CISD2: variants seen among roughly 807,000 people sequenced by gnomAD.
CISD2 encodes CDGSH iron-sulfur domain-containing protein 2.
A neutral mutation model predicts 12.9 loss-of-function variants in CISD2; 1 was observed. The ratio of observed to expected loss-of-function variants is 0.08; its 90% CI spans 0.03 to 0.37. The LOEUF is 0.37. Among genes scored for constraint, CISD2 ranks in the 10% least tolerant of loss-of-function variants. CISD2 has a pLI of 0.99. For synonymous variants in CISD2, 50 were observed against 60.6 expected (o/e 0.83, Z 0.81); for missense variants, 97 against 163.1 (o/e 0.59, Z 2.21).
chr4:102,885,941 A>T (rs1422711946), intron 2 of CISD2, among the ~76,000 whole-genome samples: 23 of 152,204 alleles, frequency 1.5e-4, no homozygotes, highest in Admixed American at 1.5e-3. Flanking sequence ...ATGATTTTTA[A>T]TGTGGGAAGG....
In CISD2 at chr4:102,885,448, G is replaced by A. The variant is rs754165955; in HGVS notation, c.318+18G>A. 4.4e-6 allele frequency: 7 copies of A among 1,601,896 alleles called. No homozygotes were observed. Among genetic ancestry groups the A allele is most frequent in the African/African-American group, 2.7e-5 (2 of 74,768 alleles). ...CTAAAACGGTAAGATGTCTGTTTAC[G>A]TGTACACTAAAATTTTGCAGTGCTA... On this transcript the variant is annotated intron_variant, in intron 2 of 2. Coordinates refer to ENST00000273986, the MANE Select transcript of CISD2 (RefSeq NM_001008388.5).
Position 102,889,642 on chromosome 4 carries a change from G to C in CISD2, c.*2212G>C, listed in dbSNP as rs1417911369. The stretch of plus-strand genomic sequence containing the variant: ...CTCTCAGAATAAAGACTTTTTCCCT[G>C]CCACATTTTCAGTTGTTAAAATATG... On this transcript the variant is annotated 3_prime_UTR_variant, in exon 3 of 3. Transcript: ENST00000273986. 3 of 152,092 alleles carry C rather than the reference G, an allele frequency of 2.0e-5. No individual in the cohort carries two copies. The highest frequency in any genetic ancestry group is 7.2e-5 in the African/African-American group (3 of 41,414). The allele number at this position is 152,092 out of a possible 1,614,324, so 9.4% of individuals were successfully genotyped here.
At chr4:102,870,898 C>G (rs1435126518) in intron 1 of CISD2, among the ~76,000 whole-genome samples, 5 of 152,156 alleles carry the variant, frequency 3.3e-5, no homozygotes. Flanking sequence ...TTTTAAAATT[C>G]ATTATGTAAT....
At chr4:102,886,978 T>TA (rs1379014957) in intron 2 of CISD2, among the ~76,000 whole-genome samples, 1 of 152,242 alleles carries the variant, frequency 6.6e-6, no homozygotes, top group Non-Finnish European at 1.5e-5. Context: ...GAAAAAATTA[T>TA]AATTTATTTT....
At chr4:102,871,875 G>GT (rs1356118913) in intron 1 of CISD2, among the ~76,000 whole-genome samples, 3 of 152,174 alleles carry the variant, frequency 2.0e-5, no homozygotes, top group East Asian at 1.9e-4. Context: ...AAATCTAGCT[G>GT]TTTTTTAAAG....
chr4:102,878,627 C>A lies in CISD2; in HGVS notation c.104-6589C>A, dbSNP rs138242335. On this transcript the variant is annotated intron_variant, in intron 1 of 2. Coordinates refer to ENST00000273986, the MANE Select transcript of CISD2 (RefSeq NM_001008388.5). ...CCTTTGCTCCATTTCCCAGTAAGTT[C>A]CTCATCTCCAGCTGAGACCACGTCA... 8.5e-3 allele frequency among the ~76,000 whole-genome samples: 1,300 copies of A among 152,288 alleles called. 14 individuals carry two copies. Among genetic ancestry groups the A allele is most frequent in the Non-Finnish European group, 9.3e-3 (631 of 68,020 alleles).
rs1169430467 is a variant in CISD2 at position 102,890,150 on chromosome 4, T to C, written c.*2720T>C. On this transcript the variant is annotated 3_prime_UTR_variant, in exon 3 of 3. Transcript: ENST00000273986. Reference sequence around the variant, plus strand: ...ATGGGTAATTAAGCAAGTTGAATTATGGAAAGCACCTCACAATTCACACAA... The same window carrying C: ...ATGGGTAATTAAGCAAGTTGAATTACGGAAAGCACCTCACAATTCACACAA... 2.0e-5 allele frequency: 3 copies of C among 152,240 alleles called. No individual in the cohort carries two copies. The highest frequency in any genetic ancestry group is 4.8e-5 in the African/African-American group (2 of 41,462). The allele number at this position is 152,240 out of a possible 1,614,324, so 9.4% of individuals were successfully genotyped here.
At chr4:102,872,172 G>A (rs1054688485) in intron 1 of CISD2, among the ~76,000 whole-genome samples, 2 of 152,118 alleles carry the variant, frequency 1.3e-5, no homozygotes, top group Non-Finnish European at 2.9e-5. Flanking sequence ...GGGTTCAAGC[G>A]ATGCTTATGC....
rs183447777 is a variant in CISD2 at position 102,892,415 on chromosome 4, T to C, written c.*4985T>C. On this transcript the variant is annotated 3_prime_UTR_variant, in exon 3 of 3. Coordinates refer to ENST00000273986, the MANE Select transcript of CISD2 (RefSeq NM_001008388.5). ...AAGTCATGTTGTAGCAAGCATCACT[T>C]TAATATAAAAAGTGTACAGCTTATA... 1 of 152,316 alleles carries C rather than the reference T, an allele frequency of 6.6e-6. No homozygotes were observed. The highest frequency in any genetic ancestry group is 2.4e-5 in the African/African-American group (1 of 41,576). 9.4% of individuals were successfully genotyped at this position (152,316 alleles called of 1,614,324 possible). A position where few individuals can be genotyped will look rare whatever the true frequency, so the allele number is the denominator to read the frequency against.
Position 102,888,956 on chromosome 4 carries a change from A to T in CISD2, c.*1526A>T, listed in dbSNP as rs537045752. 1.3e-5 allele frequency: 2 copies of T among 152,250 alleles called. No individual in the cohort carries two copies. Among genetic ancestry groups the T allele is most frequent in the African/African-American group, 4.8e-5 (2 of 41,462 alleles). 9.4% of individuals were successfully genotyped at this position (152,250 alleles called of 1,614,324 possible). On this transcript the variant is annotated 3_prime_UTR_variant, in exon 3 of 3. Coordinates refer to ENST00000273986, the MANE Select transcript of CISD2 (RefSeq NM_001008388.5). ...ATTCAGTTCACTTTGCTTTCTTTTTATAAGAATGTACAAGAGGCAGACAGA... is the reference window on the plus strand; with the variant it reads ...ATTCAGTTCACTTTGCTTTCTTTTTTTAAGAATGTACAAGAGGCAGACAGA...
At chr4:102,878,254 GC>G (rs1733635839) in intron 1 of CISD2, among the ~76,000 whole-genome samples, 1 of 152,048 alleles carries the variant, frequency 6.6e-6, no homozygotes, top group African/African-American at 2.4e-5. Context: ...TCCTGCCTCA[GC>G]CTCCCGAGTA....
chr4:102,873,933 C>T (rs570342155), intron 1 of CISD2, among the ~76,000 whole-genome samples: 1 of 151,994 alleles, frequency 6.6e-6, no homozygotes, highest in South Asian at 2.1e-4. Flanking sequence ...CGAAACTAGC[C>T]TGGCCAACAT....
Position 102,887,459 on chromosome 4 carries a change from G to A in CISD2, c.*29G>A, listed in dbSNP as rs1380480012. 1 of 951,616 alleles carries A rather than the reference G, an allele frequency of 1.1e-6. No homozygotes were observed. Among genetic ancestry groups the A allele is most frequent in the Non-Finnish European group, 1.7e-6 (1 of 605,042 alleles). 58.9% of individuals were successfully genotyped at this position (951,616 alleles called of 1,614,324 possible). A position where few individuals can be genotyped will look rare whatever the true frequency, so the allele number is the denominator to read the frequency against. On this transcript the variant is annotated 3_prime_UTR_variant, in exon 3 of 3. Coordinates refer to ENST00000273986, the MANE Select transcript of CISD2 (RefSeq NM_001008388.5). ...TAATAACAATATTTTCTCATTCTTT[G>A]TGTATAGAAAATTTTAAAATGGTGG...
chr4:102,887,110 G>C (rs17009211), intron 2 of CISD2, among the ~76,000 whole-genome samples: 2,794 of 152,206 alleles, frequency 0.018, 80 homozygotes, highest in African/African-American at 0.061. Context: ...CACTCATATG[G>C]ACTCATTCAT....
intron 1 of CISD2, among the ~76,000 whole-genome samples, chr4:102,871,611 C>G (rs1231745631): frequency 6.6e-6 from 1 of 152,144 alleles, no homozygotes; most frequent in Non-Finnish European, 1.5e-5. Context: ...AGAAAAATTT[C>G]AGTGGCTATT....
rs184718184 is a variant in CISD2, at chr4:102,882,027, A to G, written c.104-3189A>G. Among the ~76,000 whole-genome samples the G allele has an allele frequency of 4.5e-4, 68 of 152,178 alleles. 1 individual carries two copies. The highest frequency in any genetic ancestry group is 4.3e-3 in the Admixed American group (66 of 15,280). ...GCCAACATGGTGAAACCCCATCTCT[A>G]CTAAAAATACAAAAATTAGCCAGAC... On this transcript the variant is annotated intron_variant, in intron 1 of 2. Transcript: ENST00000273986.
At chr4:102,886,308 G>A (rs1733911433) in intron 2 of CISD2, among the ~76,000 whole-genome samples, 1 of 152,000 alleles carries the variant, frequency 6.6e-6, no homozygotes, top group Non-Finnish European at 1.5e-5. Flanking sequence ...CCAACATGGT[G>A]AAACCCCGTC....
chr4:102,885,490 T>A, intron 2 of CISD2, 60 bp downstream of exon 2: 3 of 1,282,602 alleles, frequency 2.3e-6, no homozygotes, highest in South Asian at 2.4e-5. Context: ...TTTCGCCTCT[T>A]AAATCCCCAG....
rs1170049563 is a variant in CISD2, at chr4:102,885,508, GTTCT to G, written c.318+81_318+84del. 1.7e-5 allele frequency: 19 copies of G among 1,121,238 alleles called. 1 individual carries two copies. The highest frequency in any genetic ancestry group is 2.6e-4 in the Middle Eastern group (1 of 3,900). 69.5% of individuals were successfully genotyped at this position (1,121,238 alleles called of 1,614,324 possible). ...CGCCTCTTAAATCCCCAGTTTTGAA[GTTCT>G]TTAAGATGAGAGAATTTTCTGTAAT... is the stretch of plus-strand genomic sequence containing the variant. On this transcript the variant is annotated intron_variant, in intron 2 of 2. Transcript: ENST00000273986.
Sources: allele counts gnomAD v4.1 joint callset (sites outside exome capture counted in the v4.1 genomes callset), GRCh38; gene constraint gnomAD v4.1.1; transcripts MANE v1.5; gene names NCBI Gene and HGNC (gene_info 2026-07-23, HGNC 2026-07-21).